The following IFT57 variants were observed in gnomAD, a reference collection of about 807,000 sequenced individuals.
IFT57 encodes intraflagellar transport protein 57 homolog.
A neutral mutation model predicts 56.8 loss-of-function variants in IFT57; 59 were observed. That is an observed-to-expected ratio of 1.04 (90% CI 0.84 to 1.29). The LOEUF (loss-of-function observed/expected upper bound fraction) is 1.29, where lower values mean the gene tolerates loss of function less well. Ranked by LOEUF, IFT57 falls within the 50% of genes most tolerant of loss-of-function variation. IFT57 has a pLI of 0.00. For missense variants in IFT57, 470 were observed against 522.1 expected (o/e 0.90, Z 0.97); for synonymous variants, 209 against 186.1 (o/e 1.12, Z -1.00).
At chr3:108,173,504 C>T (rs890096453) in intron 6 of IFT57, among the ~76,000 whole-genome samples, 7 of 151,760 alleles carry the variant, frequency 4.6e-5, no homozygotes, top group African/African-American at 1.2e-4. Context: ...CCTAACTTTC[C>T]GAACATATAG....
chr3:108,195,623 G>A (rs1293036301), intron 5 of IFT57, among the ~76,000 whole-genome samples: 1 of 152,104 alleles, frequency 6.6e-6, no homozygotes, highest in East Asian at 1.9e-4. Context: ...TATACACAAT[G>A]GGATATTATT....
chr3:108,179,746 C>T (rs9818755), intron 6 of IFT57, among the ~76,000 whole-genome samples: 14,629 of 151,960 alleles, frequency 0.096, 763 homozygotes, highest in Middle Eastern at 0.12. Flanking sequence ...AAAATGCCCA[C>T]TAGGTTGCAG....
intron 5 of IFT57, among the ~76,000 whole-genome samples, chr3:108,197,833 C>A (rs558633530): frequency 1.8e-4 from 27 of 152,158 alleles, no homozygotes; most frequent in Non-Finnish European, 3.8e-4. Flanking sequence ...AGCTGTTGGT[C>A]AAGTTACATA....
chr3:108,221,669 C>A (rs2080406125), intron 1 of IFT57, among the ~76,000 whole-genome samples: 1 of 152,064 alleles, frequency 6.6e-6, no homozygotes, highest in Admixed American at 6.5e-5. Context: ...CAACAAAAAA[C>A]CCCAAACTAG....
chr3:108,171,088 T>A (rs902993197), intron 6 of IFT57, among the ~76,000 whole-genome samples: 1 of 151,924 alleles, frequency 6.6e-6, no homozygotes, highest in Non-Finnish European at 1.5e-5. Context: ...AAAAGGATAT[T>A]TTGTGAATAG....
chr3:108,167,991 T>C (rs1272493687), intron 6 of IFT57, 127 bp from the exon 7 acceptor site: 2 of 511,930 alleles, frequency 3.9e-6, no homozygotes, highest in Non-Finnish European at 6.9e-6. Flanking sequence ...TAGCCCTATT[T>C]ATAGCTTGCA....
intron 5 of IFT57, among the ~76,000 whole-genome samples, chr3:108,204,133 G>T (rs573241600): frequency 2.0e-5 from 3 of 152,246 alleles, no homozygotes; most frequent in Admixed American, 2.0e-4. Flanking sequence ...GCTGTAGTCA[G>T]ACACAGCTGT....
intron 5 of IFT57, among the ~76,000 whole-genome samples, chr3:108,202,096 T>C (rs9877444): frequency 0.096 from 14,603 of 152,238 alleles, 750 homozygotes; most frequent in Middle Eastern, 0.12. Flanking sequence ...ATCTATGGCA[T>C]GTATGAAAAA....
chr3:108,203,587 A>G (rs2080291568), intron 5 of IFT57, among the ~76,000 whole-genome samples: 1 of 152,218 alleles, frequency 6.6e-6, no homozygotes, highest in Non-Finnish European at 1.5e-5. Flanking sequence ...TTTCTCTATG[A>G]AAATTGCCTA....
At chr3:108,163,539 A>T in intron 10 of IFT57, 124 bp downstream of exon 10, 1 of 655,908 alleles carries the variant, frequency 1.5e-6, no homozygotes, top group Non-Finnish European at 2.7e-6. Context: ...TTGTACAATG[A>T]ATCTCTCTTC....
At chr3:108,210,332 CTTTTT>C (rs35896793) in intron 4 of IFT57, among the ~76,000 whole-genome samples, 2 of 108,018 alleles carry the variant, frequency 1.9e-5, no homozygotes, top group African/African-American at 3.6e-5. Context: ...CAGAAATAAT[CTTTTT>C]TTTTTTTTTT....
intron 1 of IFT57, 48 bp downstream of exon 1, chr3:108,222,063 C>T (rs372816228): frequency 6.4e-7 from 1 of 1,555,106 alleles, no homozygotes; most frequent in Non-Finnish European, 8.7e-7. Flanking sequence ...GAGGGCATCT[C>T]CCTGGGGGCT....
intron 5 of IFT57, among the ~76,000 whole-genome samples, chr3:108,203,417 G>C (rs2080290758): frequency 6.6e-6 from 1 of 152,166 alleles, no homozygotes; most frequent in African/African-American, 2.4e-5. Flanking sequence ...GAATATGCTT[G>C]TGTAGGTACA....
Position 108,222,150 on chromosome 3 carries a change from T to G in IFT57, c.173A>C (p.Glu58Ala), listed in dbSNP as rs200372212. 1.2e-6 allele frequency: 2 copies of G among 1,613,150 alleles called. No homozygotes were observed. The highest frequency in any genetic ancestry group is 1.7e-6 in the Non-Finnish European group (2 of 1,179,652). The change falls in exon 1 of 11, where the codon GAG (glutamate) becomes GCG (alanine). Residue 58 changes from glutamate to alanine, a missense_variant. Transcript: ENST00000264538. ...CAGGTTGCTCTTCCGGAGGAACTCCTCCTCGTAGCGGAGCAGCTTCAGCTT... is the reference window on the plus strand; with the variant it reads ...CAGGTTGCTCTTCCGGAGGAACTCCGCCTCGTAGCGGAGCAGCTTCAGCTT... Reference protein sequence around the residue: ...VEKLKLLRYEEEFLRKSNLKA... With the variant: ...VEKLKLLRYEAEFLRKSNLKA...
rs1159765451 is a variant in IFT57, at chr3:108,213,930, C to A, written c.585+1G>T. 1 of 1,587,682 alleles carries A rather than the reference C, an allele frequency of 6.3e-7. No homozygotes were observed. The stretch of plus-strand genomic sequence containing the variant: ...AACAGAAAGTTCAGCTACACACATA[C>A]CACAAATTCTTCATCCACTTTATTT... On this transcript the variant is annotated splice_donor_variant, in intron 4 of 10. Transcript: ENST00000264538. LOFTEE classifies it high-confidence loss of function.
intron 6 of IFT57, among the ~76,000 whole-genome samples, chr3:108,176,672 C>T (rs1266509667): frequency 6.6e-6 from 1 of 151,692 alleles, no homozygotes; most frequent in Non-Finnish European, 1.5e-5. Context: ...ATAAATAAGT[C>T]CCAAAGAAGG....
At chr3:108,201,224 G>A (rs2080277089) in intron 5 of IFT57, among the ~76,000 whole-genome samples, 1 of 152,140 alleles carries the variant, frequency 6.6e-6, no homozygotes, top group Non-Finnish European at 1.5e-5. Context: ...ATCTGGAAGG[G>A]ACCTTGAAAA....
Position 108,210,083 on chromosome 3 carries a change from G to A in IFT57, c.586-3387C>T, listed in dbSNP as rs184337961. On this transcript the variant is annotated intron_variant, in intron 4 of 10. Transcript: ENST00000264538. ...TTTTGTAAACTATTAGAATACAATA[G>A]GATTCTAATCTCAGTAATTCAGAAG... is the stretch of plus-strand genomic sequence containing the variant. 2.0e-3 allele frequency among the ~76,000 whole-genome samples: 307 copies of A among 152,128 alleles called. 2 individuals carry two copies. The highest frequency in any genetic ancestry group is 4.0e-3 in the Non-Finnish European group (275 of 67,976).
intron 8 of IFT57, 55 bp from the exon 9 acceptor site, chr3:108,165,548 T>C: frequency 2.2e-6 from 3 of 1,367,362 alleles, no homozygotes; most frequent in Non-Finnish European, 3.1e-6. Context: ...GCAGATTAAA[T>C]ACGACTGACC....
Sources: allele counts gnomAD v4.1 joint callset (sites outside exome capture counted in the v4.1 genomes callset), GRCh38; gene constraint gnomAD v4.1.1; transcripts MANE v1.5; gene names NCBI Gene and HGNC (gene_info 2026-07-23, HGNC 2026-07-21).